Variants in SGPP1 observed in about 807,000 individuals in gnomAD.
SGPP1 encodes the protein hSPP1.
SGPP1 carries 21 observed loss-of-function variants against 33.0 expected under a neutral mutation model. That is an observed-to-expected ratio of 0.64 (90% confidence interval 0.45 to 0.92). The LOEUF (loss-of-function observed/expected upper bound fraction) is 0.92, where lower values mean the gene tolerates loss of function less well. Among genes scored for constraint, SGPP1 ranks in the 40% least tolerant of loss-of-function variants. SGPP1 has a pLI of 0.00. For synonymous variants in SGPP1, 239 were observed against 241.2 expected, an observed-to-expected ratio of 0.99 and a Z score of 0.08; for missense variants, 543 against 589.4, an observed-to-expected ratio of 0.92 and a Z score of 0.81.
At chr14:63,717,820 A>T (rs1310018140) in intron 1 of SGPP1, among the ~76,000 whole-genome samples, 2 of 152,238 alleles carry the variant, frequency 1.3e-5, no homozygotes, top group African/African-American at 4.8e-5. Flanking sequence ...CACTAGAGAA[A>T]AAGAGAAAAT....
chr14:63,707,309 T>A (rs1047580973), intron 1 of SGPP1, among the ~76,000 whole-genome samples: 1 of 152,024 alleles, frequency 6.6e-6, no homozygotes, highest in Non-Finnish European at 1.5e-5. Context: ...CTAGTCGATA[T>A]AATCTTACGT....
At chr14:63,690,217 G>C (rs1885063307) in intron 2 of SGPP1, among the ~76,000 whole-genome samples, 1 of 152,078 alleles carries the variant, frequency 6.6e-6, no homozygotes, top group Non-Finnish European at 1.5e-5. Flanking sequence ...GCTAAGTTTT[G>C]TATTTTTTGT....
chr14:63,724,259 G>C (rs1244557729), intron 1 of SGPP1, among the ~76,000 whole-genome samples: 3 of 152,200 alleles, frequency 2.0e-5, no homozygotes, highest in East Asian at 1.9e-4. Flanking sequence ...GGTGAATCTT[G>C]AGCAAATTTC....
Position 63,686,647 on chromosome 14 carries a change from CA to C in SGPP1, c.783del (p.Ile261MetfsTer9), listed in dbSNP as rs1337575164. Reference protein sequence around the residue: ...YMGMHSILDIIAGFLYTILIL... With the variant: ...YMGMHSILDIXAGFLYTILIL... ...ATTAAAATGGTATATAGGAATCCAG[CA>C]ATAATATCCTAGGAAAAGATAAAAG... On this transcript the variant is annotated frameshift_variant, in exon 3 of 3. Coordinates refer to ENST00000247225, the MANE Select transcript of SGPP1 (RefSeq NM_030791.4). LOFTEE classifies it high-confidence loss of function. 1 of 1,596,678 alleles carries C rather than the reference CA, an allele frequency of 6.3e-7. No individual in the cohort carries two copies. The highest frequency in any genetic ancestry group is 1.7e-5 in the Admixed American group (1 of 58,958).
chr14:63,725,477 T>C (rs1201260802), intron 1 of SGPP1, among the ~76,000 whole-genome samples: 1 of 152,240 alleles, frequency 6.6e-6, no homozygotes, highest in Non-Finnish European at 1.5e-5. Flanking sequence ...TTAATGTAAC[T>C]GGTCAGTTTG....
intron 1 of SGPP1, among the ~76,000 whole-genome samples, chr14:63,710,879 C>T (rs1160893359): frequency 3.3e-5 from 5 of 152,110 alleles, no homozygotes; most frequent in Non-Finnish European, 5.9e-5. Flanking sequence ...TAGGGCTAGC[C>T]GCATAATCTC....
chr14:63,697,484 G>A (rs991967379), intron 2 of SGPP1, among the ~76,000 whole-genome samples: 4 of 148,848 alleles, frequency 2.7e-5, no homozygotes, highest in African/African-American at 1.0e-4. Context: ...TTATCTCCAT[G>A]ATAATACATA....
intron 2 of SGPP1, among the ~76,000 whole-genome samples, chr14:63,695,088 G>A (rs192219509): frequency 6.6e-6 from 1 of 151,476 alleles, no homozygotes; most frequent in Non-Finnish European, 1.5e-5. Flanking sequence ...AGGGAGTCTC[G>A]CTCTGTCGCC....
At chr14:63,720,365 GAA>G (rs1454362493) in intron 1 of SGPP1, among the ~76,000 whole-genome samples, 1 of 152,008 alleles carries the variant, frequency 6.6e-6, no homozygotes, top group Non-Finnish European at 1.5e-5. Context: ...AAGGAAGGAA[GAA>G]AGAGACGGAG....
chr14:63,720,590 T>G (rs534437359), intron 1 of SGPP1, among the ~76,000 whole-genome samples: 14 of 151,870 alleles, frequency 9.2e-5, no homozygotes, highest in African/African-American at 3.4e-4. Flanking sequence ...GAAACCCCAT[T>G]TCTACTAAAA....
At chr14:63,718,275 A>T (rs1465105481) in intron 1 of SGPP1, among the ~76,000 whole-genome samples, 1 of 151,792 alleles carries the variant, frequency 6.6e-6, no homozygotes, top group Non-Finnish European at 1.5e-5. Context: ...GTGCCAAGAG[A>T]AAAAACAAAA....
rs1885912309 is a variant in SGPP1, at chr14:63,727,576, C to T, written c.369G>A (p.Val123=). The T allele has an allele frequency of 1.3e-6, 2 of 1,598,174 alleles. No homozygotes were observed. The highest frequency in any genetic ancestry group is 1.4e-5 in the African/African-American group (1 of 73,908). Residue 123 remains valine (V), a synonymous_variant, in exon 1 of 3, where the codon GTG becomes GTA. Transcript: ENST00000247225. ...LTGEEGQLAR[V]SNWPLYCLFC... is the part of the protein sequence containing the mutation. ...ACAGGCAGTAGAGCGGCCAGTTGCT[C>T]ACGCGGGCCAGCTGGCCCTCCTCGC...
chr14:63,716,610 T>C (rs1387899633), intron 1 of SGPP1, among the ~76,000 whole-genome samples: 1 of 152,090 alleles, frequency 6.6e-6, no homozygotes, highest in African/African-American at 2.4e-5. Flanking sequence ...GGAGGTTCCC[T>C]TAAACCCAAG....
At chr14:63,691,807 A>G (rs1885098879) in intron 2 of SGPP1, among the ~76,000 whole-genome samples, 1 of 152,188 alleles carries the variant, frequency 6.6e-6, no homozygotes, top group South Asian at 2.1e-4. Context: ...TATTTAGACA[A>G]TGACTACTCA....
At chr14:63,725,669 T>G (rs1885864332) in intron 1 of SGPP1, among the ~76,000 whole-genome samples, 1 of 152,190 alleles carries the variant, frequency 6.6e-6, no homozygotes, top group Admixed American at 6.5e-5. Flanking sequence ...AATATCAATA[T>G]CCCATAAACG....
At position 63,727,855 on chromosome 14, in the gene SGPP1, T is replaced by A. The variant is rs1885924591; in HGVS notation, c.90A>T (p.Glu30Asp). Residue 30 changes from glutamate (E) to aspartate (D), a missense_variant, in exon 1 of 3, where the codon GAA becomes GAT. Coordinates refer to ENST00000247225, the MANE Select transcript of SGPP1 (RefSeq NM_030791.4). ...GGTCTGCTGAGCGGCGCGGCGGCGC[T>A]TCCACCCCGCACAGCCGCTGGAAAC... ...VARFQRLCGV[E>D]APPRRSADRR... 6.6e-7 allele frequency: 1 copy of A among 1,519,856 alleles called. No homozygotes were observed. The highest frequency in any genetic ancestry group is 8.8e-7 in the Non-Finnish European group (1 of 1,140,178). The allele number at this position is 1,519,856 out of a possible 1,614,324, so 94.1% of individuals were successfully genotyped here.
chr14:63,721,442 T>G (rs1885769294), intron 1 of SGPP1, among the ~76,000 whole-genome samples: 1 of 149,874 alleles, frequency 6.7e-6, no homozygotes, highest in Non-Finnish European at 1.5e-5. Context: ...AGACTTCGTA[T>G]CCAGAAAAAA....
rs1194281115 is a variant in SGPP1 at position 63,698,584 on chromosome 14, T to C, written c.759A>G (p.Gly253=). The C allele has an allele frequency of 1.1e-5, 18 of 1,580,656 alleles. No homozygotes were observed. Among genetic ancestry groups the C allele is most frequent in the Non-Finnish European group, 1.6e-5 (18 of 1,154,288 alleles). ...SLVCLSRIYM[G]MHSILDIIAG... ...TTTTCCTTACCAGAATAGAGTGCAT[T>C]CCCATGTAAATTCTACTTAGGCAAA... The change falls in exon 2 of 3, where the codon GGA becomes GGG. Residue 253 remains glycine, a synonymous_variant. Transcript: ENST00000247225.
At chr14:63,715,189 A>T (rs527718819) in intron 1 of SGPP1, among the ~76,000 whole-genome samples, 1 of 151,640 alleles carries the variant, frequency 6.6e-6, no homozygotes, top group African/African-American at 2.4e-5. Flanking sequence ...AATTGTTTGT[A>T]TTTTTAGTAG....
Sources: gnomAD v4.1 joint callset for allele counts (sites outside exome capture counted in the v4.1 genomes callset) on GRCh38, gnomAD v4.1.1 for gene constraint, MANE v1.5 for transcripts, NCBI Gene and HGNC (gene_info 2026-07-23, HGNC 2026-07-21) for gene names.